The following CDYL2 variants were observed in gnomAD, a reference collection of about 807,000 sequenced individuals.
CDYL2 encodes chromodomain Y like 2.
CDYL2 carries 23 observed loss-of-function variants against 49.4 expected under a neutral mutation model. The observed-to-expected ratio is 0.47, with a 90% CI of 0.34 to 0.66. CDYL2 has a LOEUF of 0.66. Ranked by LOEUF, CDYL2 falls within the 30% of genes least tolerant of loss-of-function variation. CDYL2 has a pLI of 0.01. For missense variants in CDYL2, 678 were observed against 656.4 expected (o/e 1.03, Z -0.36); for synonymous variants, 360 against 268.8 (o/e 1.34, Z -3.32).
At chr16:80,804,783 C>T (rs1362871386), upstream of CDYL2, among the ~76,000 whole-genome samples, 4 of 150,664 alleles carry the variant, frequency 2.7e-5, no homozygotes, top group Admixed American at 6.6e-5. Context: ...CAGGTGCCCG[C>T]CGGGTGCGCC....
At chr16:80,646,929 A>G (rs977846552) in intron 2 of CDYL2, among the ~76,000 whole-genome samples, 6 of 152,198 alleles carry the variant, frequency 3.9e-5, no homozygotes, top group Non-Finnish European at 7.4e-5. Flanking sequence ...TTCCTTGCCA[A>G]TGAATACCAA....
At position 80,661,113 on chromosome 16, in the gene CDYL2, G is replaced by A. The variant is rs138450433; in HGVS notation, c.616+23425C>T. Among the ~76,000 whole-genome samples, 135 of 152,242 alleles carry A rather than the reference G, an allele frequency of 8.9e-4. No individual in the cohort carries two copies. In the East Asian group the frequency reaches 0.016, roughly 18 times the overall value. On this transcript the variant is annotated intron_variant, in intron 2 of 6. Transcript: ENST00000570137. The stretch of plus-strand genomic sequence containing the variant: ...GGCAGGGCACAGGAACCATGTCCAA[G>A]TTCTCCACCAAGAACATTTCAAACC...
intron 1 of CDYL2, among the ~76,000 whole-genome samples, chr16:80,743,667 G>C (rs1905826796): frequency 6.6e-6 from 1 of 151,934 alleles, no homozygotes; most frequent in South Asian, 2.1e-4. Flanking sequence ...TCTGTTTTTT[G>C]TTTGTTTGTT....
At chr16:80,617,312 C>T (rs1240392796) in intron 4 of CDYL2, among the ~76,000 whole-genome samples, 2 of 152,178 alleles carry the variant, frequency 1.3e-5, no homozygotes, top group African/African-American at 4.8e-5. Context: ...AGGAGCGTGT[C>T]CCAAGAGAAG....
chr16:80,615,526 T>A (rs1567541167), intron 4 of CDYL2, among the ~76,000 whole-genome samples: 2 of 151,980 alleles, frequency 1.3e-5, no homozygotes, highest in African/African-American at 2.4e-5. Flanking sequence ...TAAAAGAGGG[T>A]CCGTGCCTGT....
At chr16:80,717,644 C>G (rs1904856449) in intron 1 of CDYL2, among the ~76,000 whole-genome samples, 1 of 152,188 alleles carries the variant, frequency 6.6e-6, no homozygotes. Context: ...TGGGAGGCAA[C>G]AAGTATTCAT....
At chr16:80,664,826 C>T (rs8055424) in intron 2 of CDYL2, among the ~76,000 whole-genome samples, 80,392 of 151,946 alleles carry the variant, frequency 0.53, 24,705 homozygotes, top group African/African-American at 0.85. Context: ...TTTCCATATC[C>T]GTGAAATGGG....
chr16:80,614,010 C>T (rs1392864324), intron 4 of CDYL2, among the ~76,000 whole-genome samples: 2 of 143,306 alleles, frequency 1.4e-5, no homozygotes, highest in Non-Finnish European at 3.2e-5. Context: ...TGCAATCACC[C>T]TAACTATTTG....
chr16:80,712,555 G>A (rs940221420), intron 1 of CDYL2, among the ~76,000 whole-genome samples: 1 of 152,098 alleles, frequency 6.6e-6, no homozygotes, highest in African/African-American at 2.4e-5. Flanking sequence ...GGATGGGGCA[G>A]GGGCGTCTCC....
rs186145215 is a variant in CDYL2, at chr16:80,636,646, C to G, written c.617-3410G>C. Among the ~76,000 whole-genome samples the G allele has an allele frequency of 5.5e-4, 84 of 152,254 alleles. 1 individual carries two copies. The East Asian group carries it at 0.013, about 23-fold the overall frequency. ...TCAACCATTGTGGAAGACAGTGTGG[C>G]GATTCCTCAAGGATCTAGAACTAGA... On this transcript the variant is annotated intron_variant, in intron 2 of 6. Coordinates refer to ENST00000570137, the MANE Select transcript of CDYL2 (RefSeq NM_152342.4).
intron 1 of CDYL2, among the ~76,000 whole-genome samples, chr16:80,745,694 T>A (rs1000633591): frequency 2.0e-5 from 3 of 152,136 alleles, no homozygotes; most frequent in African/African-American, 4.8e-5. Context: ...GAGCAAGAGG[T>A]GATTTCTGCC....
intron 1 of CDYL2, among the ~76,000 whole-genome samples, chr16:80,782,530 GA>G (rs1188248662): frequency 0.045 from 1,626 of 35,808 alleles, 32 homozygotes; most frequent in African/African-American, 0.13. Flanking sequence ...GACATAAGGA[GA>G]AAAAAAAAAA....
At chr16:80,741,129 T>G (rs1303177234) in intron 1 of CDYL2, among the ~76,000 whole-genome samples, 1 of 150,062 alleles carries the variant, frequency 6.7e-6, no homozygotes, top group East Asian at 1.9e-4. Flanking sequence ...AAAACCAAAT[T>G]GCATAAAAAG....
chr16:80,760,869 TCACC>T (rs1906504085), intron 1 of CDYL2, among the ~76,000 whole-genome samples: 1 of 151,890 alleles, frequency 6.6e-6, no homozygotes, highest in Non-Finnish European at 1.5e-5. Context: ...AAGGTTGCAC[TCACC>T]CTGATGTTGA....
intron 3 of CDYL2, among the ~76,000 whole-genome samples, chr16:80,630,381 T>A (rs1295858877): frequency 6.6e-6 from 1 of 152,214 alleles, no homozygotes; most frequent in East Asian, 1.9e-4. Flanking sequence ...ACAGAGGGAA[T>A]GAACTGGAGA....
At chr16:80,604,743 T>C (rs1906256161) in intron 6 of CDYL2, among the ~76,000 whole-genome samples, 197 bp from the exon 7 acceptor site, 1 of 152,162 alleles carries the variant, frequency 6.6e-6, no homozygotes, top group South Asian at 2.1e-4. Context: ...ACGTGAACAC[T>C]GTGAGGCCCT....
At chr16:80,801,113 C>T (rs1275566632) in intron 1 of CDYL2, among the ~76,000 whole-genome samples, 2 of 152,278 alleles carry the variant, frequency 1.3e-5, no homozygotes, top group Non-Finnish European at 2.9e-5. Context: ...TATGTTTAGC[C>T]GAATATAGAC....
intron 2 of CDYL2, 68 bp from the exon 3 acceptor site, chr16:80,633,304 G>A: frequency 1.3e-6 from 2 of 1,491,650 alleles, no homozygotes; most frequent in Non-Finnish European, 1.8e-6. Context: ...TGTGATCAGA[G>A]GACGTTGGGA....
At chr16:80,700,074 T>C (rs1185099941) in intron 1 of CDYL2, among the ~76,000 whole-genome samples, 1 of 152,140 alleles carries the variant, frequency 6.6e-6, no homozygotes, top group Non-Finnish European at 1.5e-5. Context: ...TTAGCCAGGA[T>C]GGTCTCGATC....
Sources: gnomAD v4.1 joint callset for allele counts (sites outside exome capture counted in the v4.1 genomes callset) on GRCh38, gnomAD v4.1.1 for gene constraint, MANE v1.5 for transcripts, NCBI Gene and HGNC (gene_info 2026-07-23, HGNC 2026-07-21) for gene names.